ABCB1: variants seen among roughly 807,000 people sequenced by gnomAD.
ABCB1 encodes the protein ATP binding cassette subfamily B member 1.
Under a neutral mutation model 142.0 loss-of-function variants are expected in ABCB1, and 69 were observed. The observed-to-expected ratio is 0.49, with a 90% CI of 0.40 to 0.59. The LOEUF is 0.59. ABCB1 is among the 20% of genes least tolerant of loss of function. ABCB1 has a pLI of 0.00. For synonymous variants in ABCB1, 532 were observed against 539.2 expected, an observed-to-expected ratio of 0.99 and a Z score of 0.18; for missense variants, 1,326 against 1,554.7, an observed-to-expected ratio of 0.85 and a Z score of 2.47.
At chr7:87,678,494 A>G (rs1449049307) in intron 1 of ABCB1, among the ~76,000 whole-genome samples, 1 of 152,248 alleles carries the variant, frequency 6.6e-6, no homozygotes, top group African/African-American at 2.4e-5. Context: ...CAATAAATAA[A>G]TTAAAATGGA....
intron 1 of ABCB1, among the ~76,000 whole-genome samples, chr7:87,683,584 A>G (rs1827151213): frequency 6.6e-6 from 1 of 152,206 alleles, no homozygotes; most frequent in Non-Finnish European, 1.5e-5. Context: ...TAGCTGGAGC[A>G]TTCAGAACAC....
chr7:87,595,739 T>C (rs1819175537), intron 3 of ABCB1, 27 bp downstream of exon 3: 2 of 1,562,006 alleles, frequency 1.3e-6, no homozygotes, highest in East Asian at 2.3e-5. Flanking sequence ...CGAAGTATTT[T>C]GAATAGTTAA....
At chr7:87,532,663 C>A (rs1271455115) in intron 20 of ABCB1, among the ~76,000 whole-genome samples, 1 of 152,122 alleles carries the variant, frequency 6.6e-6, no homozygotes, top group African/African-American at 2.4e-5. Context: ...AATAATCCAC[C>A]CCTTGTTTAG....
upstream of ABCB1, among the ~76,000 whole-genome samples, chr7:87,602,070 T>G (rs886836530): frequency 6.6e-6 from 1 of 152,130 alleles, no homozygotes; most frequent in African/African-American, 2.4e-5. Flanking sequence ...CTCGGCTCAC[T>G]GCAAGCTCCG....
chr7:87,662,080 G>C (rs1406233125), intron 1 of ABCB1, among the ~76,000 whole-genome samples: 2 of 151,880 alleles, frequency 1.3e-5, no homozygotes, highest in Non-Finnish European at 2.9e-5. Context: ...CTGATCTTTT[G>C]CCCATTTTAA....
chr7:87,615,762 A>C (rs1441299087), intron 1 of ABCB1, among the ~76,000 whole-genome samples: 2 of 152,250 alleles, frequency 1.3e-5, no homozygotes, highest in Non-Finnish European at 2.9e-5. Context: ...AGAAGTGATC[A>C]AAGGAGAAAG....
intron 1 of ABCB1, among the ~76,000 whole-genome samples, chr7:87,689,142 TTAAA>T (rs1329998994): frequency 1.3e-5 from 2 of 152,006 alleles, no homozygotes; most frequent in African/African-American, 4.8e-5. Context: ...ATGAAAAGAG[TTAAA>T]TAAATTCTAT....
chr7:87,636,334 A>G (rs530680650), intron 1 of ABCB1, among the ~76,000 whole-genome samples: 9 of 152,330 alleles, frequency 5.9e-5, no homozygotes, highest in African/African-American at 1.9e-4. Flanking sequence ...AATGAAGTCA[A>G]GCACCTTTCC....
chr7:87,593,053 A>G (rs1342095424), intron 3 of ABCB1, among the ~76,000 whole-genome samples: 1 of 151,656 alleles, frequency 6.6e-6, no homozygotes, highest in Non-Finnish European at 1.5e-5. Context: ...CAGCCTCCCG[A>G]GTAGCTGAGA....
intron 1 of ABCB1, among the ~76,000 whole-genome samples, chr7:87,647,912 C>G (rs574125930): frequency 6.6e-6 from 1 of 152,002 alleles, no homozygotes; most frequent in South Asian, 2.1e-4. Context: ...AGGCCAGGCA[C>G]GGTGGCTCAT....
At chr7:87,630,733 CA>C (rs1442492575) in intron 1 of ABCB1, among the ~76,000 whole-genome samples, 1 of 150,266 alleles carries the variant, frequency 6.7e-6, no homozygotes, top group East Asian at 1.9e-4. Context: ...ATCTAACACT[CA>C]AAAAATATTT....
chr7:87,543,397 T>G (rs767448076), intron 17 of ABCB1, among the ~76,000 whole-genome samples: 3 of 152,208 alleles, frequency 2.0e-5, no homozygotes, highest in Non-Finnish European at 4.4e-5. Context: ...TAACCAGGCA[T>G]GAGTAGACCT....
chr7:87,689,335 T>C (rs1015098200), intron 1 of ABCB1, among the ~76,000 whole-genome samples: 2 of 152,106 alleles, frequency 1.3e-5, no homozygotes, highest in African/African-American at 4.8e-5. Context: ...TGTCAGAAAA[T>C]TAATGAGACA....
chr7:87,624,057 T>C (rs1019718225), intron 1 of ABCB1, among the ~76,000 whole-genome samples: 3 of 152,258 alleles, frequency 2.0e-5, no homozygotes, highest in Non-Finnish European at 4.4e-5. Flanking sequence ...ATTAGCTCTT[T>C]GTCTATGATT....
At chr7:87,577,640 G>A (rs1024283219) in intron 4 of ABCB1, among the ~76,000 whole-genome samples, 3 of 152,086 alleles carry the variant, frequency 2.0e-5, no homozygotes, top group Non-Finnish European at 2.9e-5. Flanking sequence ...AAATGATATC[G>A]CATTATAGTT....
intron 4 of ABCB1, among the ~76,000 whole-genome samples, chr7:87,585,035 C>T (rs914592376): frequency 1.3e-5 from 2 of 151,898 alleles, no homozygotes; most frequent in African/African-American, 4.8e-5. Context: ...TAACAATGTC[C>T]AAAACTAAAT....
chr7:87,557,144 T>G (rs1286774330), intron 8 of ABCB1, among the ~76,000 whole-genome samples: 1 of 152,200 alleles, frequency 6.6e-6, no homozygotes, highest in Non-Finnish European at 1.5e-5. Context: ...TAAATCAATA[T>G]TTTTATTTTT....
rs765970394 is a variant in ABCB1 at position 87,516,554 on chromosome 7, T to A, written c.3039A>T (p.Glu1013Asp). 1.2e-6 allele frequency: 2 copies of A among 1,614,214 alleles called. No individual in the cohort carries two copies. The highest frequency in any genetic ancestry group is 8.5e-7 in the Non-Finnish European group (1 of 1,180,038). The change falls in exon 24 of 28, where the codon GAA (glutamate) becomes GAT (aspartate). Residue 1013 changes from glutamate (E) to aspartate (D), a missense_variant. By Grantham distance (45) the Glu-to-Asp change is conservative (BLOSUM62 2). Coordinates refer to ENST00000622132, the MANE Select transcript of ABCB1 (RefSeq NM_001348946.2). The stretch of plus-strand genomic sequence containing the variant: ...TGTAGCTGTCAATCAAAGGGGTTTT[T>A]TCAATGATCATGATGATGTGGGCTG... ...ISAAHIIMIIEKTPLIDSYST... is the reference protein window; with the variant it reads ...ISAAHIIMIIDKTPLIDSYST...
chr7:87,535,788 GA>G (rs1816262016), intron 20 of ABCB1, among the ~76,000 whole-genome samples: 1 of 152,166 alleles, frequency 6.6e-6, no homozygotes. Flanking sequence ...TAAGGTTCAA[GA>G]GGGGAAAAGA....
Sources: allele counts gnomAD v4.1 joint callset (sites outside exome capture counted in the v4.1 genomes callset), GRCh38; gene constraint gnomAD v4.1.1; transcripts MANE v1.5; gene names NCBI Gene and HGNC (gene_info 2026-07-23, HGNC 2026-07-21).